The following TRHR variants were observed in gnomAD, a reference collection of about 807,000 sequenced individuals.
TRHR encodes the protein thyrotropin releasing hormone receptor.
In TRHR, 14 loss-of-function variants were observed where a neutral mutation model predicts 28.0. That is an observed-to-expected ratio of 0.50 (90% CI 0.33 to 0.78). The LOEUF is 0.78. Among genes scored for constraint, TRHR ranks in the 30% least tolerant of loss-of-function variants. TRHR has a pLI of 0.02. For missense variants in TRHR, 438 were observed against 469.5 expected, an observed-to-expected ratio of 0.93 and a Z score of 0.62; for synonymous variants, 176 against 171.9, an observed-to-expected ratio of 1.02 and a Z score of -0.18.
chr8:109,104,875 C>T (rs1371087526), intron 2 of TRHR, among the ~76,000 whole-genome samples: 1 of 152,060 alleles, frequency 6.6e-6, no homozygotes, highest in Non-Finnish European at 1.5e-5. Context: ...ATCTCAGCTA[C>T]TTGGAAAGCT....
chr8:109,120,938 T>C lies in TRHR; in HGVS notation c.*1483T>C, dbSNP rs982968437. The stretch of plus-strand genomic sequence containing the variant: ...TTCCCTCTCCAGCCTATATCCCTAT[T>C]TTATGGACTTTTCTAGAACCTAATC... On this transcript the variant is annotated 3_prime_UTR_variant, in exon 3 of 3. Coordinates refer to ENST00000518632, the MANE Select transcript of TRHR (RefSeq NM_003301.7). Among the ~76,000 whole-genome samples the C allele has an allele frequency of 2.6e-5, 4 of 151,742 alleles. No individual in the cohort carries two copies. Among genetic ancestry groups the C allele is most frequent in the African/African-American group, 9.6e-5 (4 of 41,486 alleles).
rs1811984839 is a variant in TRHR, at chr8:109,120,127, G to A, written c.*672G>A. On this transcript the variant is annotated 3_prime_UTR_variant, in exon 3 of 3. Transcript: ENST00000518632. The stretch of plus-strand genomic sequence containing the variant: ...AAAATATCTGAAATTATTAATTAAG[G>A]AGAAATGTAGATTTTAAGATAAATC... Among the ~76,000 whole-genome samples, 1 of 151,658 alleles carries A rather than the reference G, an allele frequency of 6.6e-6. No homozygotes were observed. The highest frequency in any genetic ancestry group is 6.6e-5 in the Admixed American group (1 of 15,182).
intron 2 of TRHR, among the ~76,000 whole-genome samples, chr8:109,104,242 T>TA (rs1265814149): frequency 6.6e-6 from 1 of 152,146 alleles, no homozygotes; most frequent in Non-Finnish European, 1.5e-5. Flanking sequence ...AAATTAATGC[T>TA]AGAGAGTCAA....
At position 109,087,425 on chromosome 8, in the gene TRHR, G is replaced by A. The variant is rs1442866862; in HGVS notation, c.-88G>A. 1 of 1,409,284 alleles carries A rather than the reference G, an allele frequency of 7.1e-7. No individual in the cohort carries two copies. The allele number at this position is 1,409,284 out of a possible 1,614,324, so 87.3% of individuals were successfully genotyped here. ...GAATATGTACTATGACCCTTCACAG[G>A]GGGATGGAACTGCTGCAATAAAGGT... On this transcript the variant is annotated splice_region_variant and 5_prime_UTR_variant, in exon 2 of 3. Coordinates refer to ENST00000518632, the MANE Select transcript of TRHR (RefSeq NM_003301.7).
intron 2 of TRHR, 152 bp from the exon 3 acceptor site, chr8:109,118,896 C>A: frequency 1.0e-6 from 1 of 972,852 alleles, no homozygotes; most frequent in Non-Finnish European, 1.6e-6. Flanking sequence ...CTTAATCCTG[C>A]TTCCTGGGAT....
Position 109,102,476 on chromosome 8 carries a change from C to T in TRHR, c.789+14175C>T, listed in dbSNP as rs116505043. Among the ~76,000 whole-genome samples, 298 of 151,902 alleles carry T rather than the reference C, an allele frequency of 2.0e-3. 1 individual carries two copies. Among genetic ancestry groups the T allele is most frequent in the African/African-American group, 6.8e-3 (281 of 41,418 alleles). On this transcript the variant is annotated intron_variant, in intron 2 of 2. Transcript: ENST00000518632. ...CCTAGCACAGTATCTGGTACATGGACGTATCCAATACATGTTTGTCAAACA... is the reference window on the plus strand; with the variant it reads ...CCTAGCACAGTATCTGGTACATGGATGTATCCAATACATGTTTGTCAAACA...
rs919831241 is a variant in TRHR at position 109,119,938 on chromosome 8, A to G, written c.*483A>G. 1.8e-4 allele frequency among the ~76,000 whole-genome samples: 27 copies of G among 151,908 alleles called. No homozygotes were observed. Among genetic ancestry groups the G allele is most frequent in the African/African-American group, 6.0e-4 (25 of 41,410 alleles). ...TTCATGAATATCTGAAATTAAAGGG[A>G]AAAATATTACAGAAACATTTTATTT... On this transcript the variant is annotated 3_prime_UTR_variant, in exon 3 of 3. Coordinates refer to ENST00000518632, the MANE Select transcript of TRHR (RefSeq NM_003301.7).
chr8:109,087,845 A>T lies in TRHR; in HGVS notation c.333A>T (p.Ala111=). The change falls in exon 2 of 3, where the codon GCA becomes GCT. Residue 111 remains alanine, a synonymous_variant. Transcript: ENST00000518632. ...ITYLQYLGIN[A]SSCSITAFTI... is the part of the protein sequence containing the mutation. ...ACCTCCAGTATTTGGGAATTAATGC[A>T]TCCTCTTGTTCAATAACAGCCTTTA... is the stretch of plus-strand genomic sequence containing the variant. 1 of 1,614,210 alleles carries T rather than the reference A, an allele frequency of 6.2e-7. No individual in the cohort carries two copies. The highest frequency in any genetic ancestry group is 8.5e-7 in the Non-Finnish European group (1 of 1,180,038).
chr8:109,108,771 G>A (rs1811787577), intron 2 of TRHR, among the ~76,000 whole-genome samples: 2 of 152,122 alleles, frequency 1.3e-5, no homozygotes, highest in South Asian at 2.1e-4. Flanking sequence ...AAATTTAGAT[G>A]TTACTGTAAT....
At chr8:109,103,830 T>A (rs1357095698) in intron 2 of TRHR, among the ~76,000 whole-genome samples, 1 of 152,140 alleles carries the variant, frequency 6.6e-6, no homozygotes, top group African/African-American at 2.4e-5. Context: ...CACACCGGGC[T>A]CACTGTTCCC....
chr8:109,118,465 A>C (rs1352645161), intron 2 of TRHR, among the ~76,000 whole-genome samples: 1 of 151,864 alleles, frequency 6.6e-6, no homozygotes, highest in Admixed American at 6.6e-5. Context: ...GTAAGTAAGG[A>C]AAGGATTTGA....
chr8:109,114,462 T>C (rs1586195525), intron 2 of TRHR, among the ~76,000 whole-genome samples: 1 of 152,080 alleles, frequency 6.6e-6, no homozygotes, highest in South Asian at 2.1e-4. Context: ...TCTCTTTCTG[T>C]AGGGAAGACA....
Position 109,087,511 on chromosome 8 carries a change from A to T in TRHR, c.-2A>T. 1 of 1,614,194 alleles carries T rather than the reference A, an allele frequency of 6.2e-7. No homozygotes were observed. On this transcript the variant is annotated 5_prime_UTR_variant, in exon 2 of 3. The change creates a new upstream start codon in the 5' untranslated region. Coordinates refer to ENST00000518632, the MANE Select transcript of TRHR (RefSeq NM_003301.7). ...TTTCCGAGAAACTTTAAGCTTCTAA[A>T]GATGGAAAACGAGACAGTCAGTGAA...
intron 2 of TRHR, among the ~76,000 whole-genome samples, chr8:109,104,484 T>C (rs1811722256): frequency 6.6e-6 from 1 of 152,184 alleles, no homozygotes. Context: ...AGTGATTTCC[T>C]TGTATACTAC....
chr8:109,102,767 A>T (rs542525297), intron 2 of TRHR, among the ~76,000 whole-genome samples: 25 of 152,196 alleles, frequency 1.6e-4, no homozygotes, highest in African/African-American at 3.1e-4. Flanking sequence ...TCATTTTTTT[A>T]AAAATAAATG....
chr8:109,114,650 T>TA (rs1305464394), intron 2 of TRHR, among the ~76,000 whole-genome samples: 1 of 152,076 alleles, frequency 6.6e-6, no homozygotes. Context: ...TACCCACTGT[T>TA]ACACTTCCAG....
intron 2 of TRHR, among the ~76,000 whole-genome samples, chr8:109,099,977 T>C (rs79130179): frequency 0.013 from 1,935 of 152,132 alleles, 42 homozygotes; most frequent in African/African-American, 0.037. Context: ...GGTGGCACAA[T>C]TGTGAGAGTG....
At chr8:109,103,503 G>A (rs542087480) in intron 2 of TRHR, among the ~76,000 whole-genome samples, 68 of 152,266 alleles carry the variant, frequency 4.5e-4, no homozygotes, top group Admixed American at 4.3e-3. Context: ...TTGTTCATGT[G>A]CAAGTATAGT....
At chr8:109,090,623 T>G (rs1443687761) in intron 2 of TRHR, among the ~76,000 whole-genome samples, 1 of 152,204 alleles carries the variant, frequency 6.6e-6, no homozygotes, top group East Asian at 1.9e-4. Flanking sequence ...AGATGGGATG[T>G]GAGTTCAGAG....
Sources: gnomAD v4.1 joint callset for allele counts (sites outside exome capture counted in the v4.1 genomes callset) on GRCh38, gnomAD v4.1.1 for gene constraint, MANE v1.5 for transcripts, NCBI Gene and HGNC (gene_info 2026-07-23, HGNC 2026-07-21) for gene names.